Variants in ZNF782 observed in about 807,000 individuals in gnomAD.
The protein encoded by ZNF782 is zinc finger protein 782.
A neutral mutation model predicts 13.0 loss-of-function variants in ZNF782; 12 were observed. That is an observed-to-expected ratio of 0.92 (90% CI 0.59 to 1.50). ZNF782 has a LOEUF of 1.50. Among genes scored for constraint, ZNF782 ranks in the 40% most tolerant of loss-of-function variants. ZNF782 has a pLI of 0.00. For missense variants in ZNF782, 770 were observed against 822.9 expected (o/e 0.94, Z 0.79); for synonymous variants, 284 against 283.0 (o/e 1.00, Z -0.04).
In ZNF782 at chr9:96,850,135, G is replaced by A. The variant is rs1474803882; in HGVS notation, c.15+1812C>T. Among the ~76,000 whole-genome samples the A allele has an allele frequency of 1.3e-5, 2 of 152,160 alleles. No individual in the cohort carries two copies. Among genetic ancestry groups the A allele is most frequent in the South Asian group, 2.1e-4 (1 of 4,824 alleles). On this transcript the variant is annotated intron_variant, in intron 3 of 5. Transcript: ENST00000481138. The surrounding 1 kb of genome is among the most constrained non-coding windows in gnomAD (Gnocchi z 4.3). ...AGAACTAAAAGTAGATCTACCATTC[G>A]ATCTAGCAATCCCACTACTGGGTAT...
chr9:96,859,113 C>T (rs1369755058), upstream of ZNF782, among the ~76,000 whole-genome samples: 1 of 152,168 alleles, frequency 6.6e-6, no homozygotes, highest in Non-Finnish European at 1.5e-5. Flanking sequence ...AATTGTTTAT[C>T]CCAGTGGTTG....
At chr9:96,925,131 G>A in the ZNF782 span, among the ~76,000 whole-genome samples, 16 of 152,298 alleles carry the variant, frequency 1.1e-4, no homozygotes, top group South Asian at 1.2e-3. Context: ...CCGAACCACC[G>A]GCAACCGATG....
chr9:96,871,491 AC>A (rs1480539680), intron 1 of ZNF782, among the ~76,000 whole-genome samples: 1 of 152,170 alleles, frequency 6.6e-6, no homozygotes, highest in Admixed American at 6.5e-5. Context: ...TAAGCATTTA[AC>A]TTTTTGTCTC....
At chr9:96,917,892 G>A in the ZNF782 span, among the ~76,000 whole-genome samples, 1 of 137,168 alleles carries the variant, frequency 7.3e-6, no homozygotes, top group Non-Finnish European at 1.6e-5. Flanking sequence ...CTTGGCGTGT[G>A]TGTGTGTGTG....
At chr9:96,853,518 C>G (rs1383550195) in intron 1 of ZNF782, among the ~76,000 whole-genome samples, 1 of 152,276 alleles carries the variant, frequency 6.6e-6, no homozygotes, top group South Asian at 2.1e-4. Context: ...TGGCAAAAAT[C>G]TGACTCTTAG....
At chr9:96,878,039 CTTAAG>C (rs1324538542), upstream of ZNF782, among the ~76,000 whole-genome samples, 1 of 152,138 alleles carries the variant, frequency 6.6e-6, no homozygotes. Context: ...TTTTATTCTC[CTTAAG>C]TTCTGTACTG....
chr9:96,917,887 C>CGTGTGTGTGTGTGTGTGTGTGTGTGTGT, the ZNF782 span, among the ~76,000 whole-genome samples: 185 of 121,710 alleles, frequency 1.5e-3, 6 homozygotes, highest in African/African-American at 6.3e-3. Flanking sequence ...CCACCCTTGG[C>CGTGTGTGTGTGTGTGTGTGTGTGTGTGT]GTGTGTGTGT....
intron 5 of ZNF782, among the ~76,000 whole-genome samples, chr9:96,822,886 T>C (rs1850475531): frequency 1.3e-5 from 2 of 152,214 alleles, no homozygotes. Context: ...TAGACTTTAA[T>C]TCTTCTTACA....
At position 96,818,369 on chromosome 9, in the gene ZNF782, G is replaced by A; in HGVS notation, c.1654C>T (p.His552Tyr). 6.2e-7 allele frequency: 1 copy of A among 1,614,108 alleles called. No individual in the cohort carries two copies. The highest frequency in any genetic ancestry group is 1.1e-5 in the South Asian group (1 of 91,076). ...TTTTCCCCTGTGTGAATTCTATGATGTCCTCTGAGTTGTGATTTCTGACCG... is the reference window on the plus strand; with the variant it reads ...TTTTCCCCTGTGTGAATTCTATGATATCCTCTGAGTTGTGATTTCTGACCG... ...AFGQKSQLRG[H>Y]HRIHTGEKPY... Residue 552 changes from histidine to tyrosine, a missense_variant, in exon 6 of 6, where the codon CAT becomes TAT. Physicochemically the swap from His to Tyr is moderately conservative, Grantham distance 83 (BLOSUM62 2). Transcript: ENST00000481138.
In ZNF782 at chr9:96,817,577, G is replaced by T; in HGVS notation, c.*346C>A. ...GATGGTGAATGAGTTTTGATTGTTG[G>T]CACAAAGTTTTCACATTTTTATTAC... is the stretch of plus-strand genomic sequence containing the variant. On this transcript the variant is annotated 3_prime_UTR_variant, in exon 6 of 6. Coordinates refer to ENST00000481138, the MANE Select transcript of ZNF782 (RefSeq NM_001001662.3). The T allele has an allele frequency of 5.2e-6, 1 of 191,744 alleles. No homozygotes were observed. Among genetic ancestry groups the T allele is most frequent in the Non-Finnish European group, 1.1e-5 (1 of 95,050 alleles). 11.9% of individuals were successfully genotyped at this position (191,744 alleles called of 1,614,324 possible).
At chr9:96,930,872 GTTTTTTTTTTTTTTTTTTTTTT>G in the ZNF782 span, among the ~76,000 whole-genome samples, 85 of 72,702 alleles carry the variant, frequency 1.2e-3, 3 homozygotes, top group African/African-American at 2.6e-3. Context: ...CCATCCAGTG[GTTTTTTTTTTTTTTTTTTTTTT>G]TTTTTTTTTT....
chr9:96,843,394 A>G (rs542861681), intron 4 of ZNF782, among the ~76,000 whole-genome samples: 10 of 152,322 alleles, frequency 6.6e-5, no homozygotes, highest in Admixed American at 2.6e-4. Flanking sequence ...TCTCAAGAGC[A>G]TTACGCTGAG....
the ZNF782 span, among the ~76,000 whole-genome samples, chr9:96,911,915 G>C: frequency 7.6e-4 from 116 of 152,098 alleles, 1 homozygote; most frequent in African/African-American, 2.7e-3. Context: ...TGGTTAAAAA[G>C]GCCGGCTGGC....
chr9:96,876,170 T>C (rs1851891027), upstream of ZNF782, among the ~76,000 whole-genome samples: 1 of 152,154 alleles, frequency 6.6e-6, no homozygotes, highest in Non-Finnish European at 1.5e-5. Context: ...TGGAAACAAT[T>C]TGGGAAATGT....
the ZNF782 span, among the ~76,000 whole-genome samples, chr9:96,905,538 C>T: frequency 8.6e-5 from 13 of 151,200 alleles, no homozygotes; most frequent in South Asian, 8.4e-4. Context: ...CAGCCCATGC[C>T]GCTGCTCTGC....
At chr9:96,900,190 T>C in the ZNF782 span, among the ~76,000 whole-genome samples, 1 of 150,690 alleles carries the variant, frequency 6.6e-6, no homozygotes, top group Non-Finnish European at 1.5e-5. Flanking sequence ...CCAGGCAAAC[T>C]AACTGAGTCT....
At chr9:96,874,081 C>A (rs764322143) in intron 1 of ZNF782, among the ~76,000 whole-genome samples, 3 of 152,178 alleles carry the variant, frequency 2.0e-5, no homozygotes, top group Non-Finnish European at 4.4e-5. Flanking sequence ...TGAACTAAAA[C>A]TTTTACCTCT....
chr9:96,848,665 A>C (rs538482885), intron 3 of ZNF782, among the ~76,000 whole-genome samples: 2 of 152,244 alleles, frequency 1.3e-5, no homozygotes, highest in Non-Finnish European at 2.9e-5. Flanking sequence ...AACACTGCTG[A>C]AAGAAATCAC....
the ZNF782 span, among the ~76,000 whole-genome samples, chr9:96,911,202 G>A: frequency 1.4e-5 from 2 of 144,418 alleles, no homozygotes; most frequent in African/African-American, 5.0e-5. Context: ...CACTTTGGGA[G>A]GCCGAGGCGG....
Sources: gnomAD v4.1 joint callset for allele counts (sites outside exome capture counted in the v4.1 genomes callset) on GRCh38, gnomAD v4.1.1 for gene constraint, Gnocchi (gnomAD v3.1) non-coding constraint, MANE v1.5 for transcripts, NCBI Gene and HGNC (gene_info 2026-07-23, HGNC 2026-07-21) for gene names.